The following ROBO1 variants were observed in gnomAD, a reference collection of about 807,000 sequenced individuals.
The protein encoded by ROBO1 is roundabout guidance receptor 1.
Under a neutral mutation model 195.9 loss-of-function variants are expected in ROBO1, and 149 were observed. The observed-to-expected ratio is 0.76, with a 90% confidence interval of 0.67 to 0.87. The LOEUF (loss-of-function observed/expected upper bound fraction) is 0.87, where lower values mean the gene tolerates loss of function less well. Among genes scored for constraint, ROBO1 ranks in the 40% least tolerant of loss-of-function variants. The pLI is 0.00. For missense variants in ROBO1, 1,933 were observed against 2,068.3 expected, an observed-to-expected ratio of 0.93 and a Z score of 1.27; for synonymous variants, 816 against 733.2, an observed-to-expected ratio of 1.11 and a Z score of -1.82.
chr3:78,969,455 A>C (rs1351806318), intron 3 of ROBO1, among the ~76,000 whole-genome samples: 1 of 152,232 alleles, frequency 6.6e-6, no homozygotes, highest in Non-Finnish European at 1.5e-5. Flanking sequence ...AGAATGTTGG[A>C]AACATGATAG....
chr3:79,639,807 T>A (rs1401576107), intron 1 of ROBO1, among the ~76,000 whole-genome samples: 3 of 152,288 alleles, frequency 2.0e-5, no homozygotes, highest in Middle Eastern at 3.4e-3. Flanking sequence ...ACTTCTCATA[T>A]TATGGCATGA....
At chr3:78,742,095 G>A (rs2082546426) in intron 5 of ROBO1, among the ~76,000 whole-genome samples, 1 of 152,102 alleles carries the variant, frequency 6.6e-6, no homozygotes, top group Admixed American at 6.5e-5. Context: ...TTTGTAGGGT[G>A]TGTCTTTGTT....
At chr3:79,748,022 A>G (rs1703948883) in intron 1 of ROBO1, among the ~76,000 whole-genome samples, 1 of 152,006 alleles carries the variant, frequency 6.6e-6, no homozygotes, top group African/African-American at 2.4e-5. Flanking sequence ...GCTCATAAAA[A>G]TGCATGGTTG....
At position 79,408,579 on chromosome 3, in the gene ROBO1, T is replaced by C. The variant is rs185128435; in HGVS notation, c.88+181245A>G. 5.9e-5 allele frequency among the ~76,000 whole-genome samples: 9 copies of C among 152,142 alleles called. No individual in the cohort carries two copies. In the East Asian group the frequency reaches 9.8e-4, roughly 16 times the overall value. On this transcript the variant is annotated intron_variant, in intron 2 of 30. Coordinates refer to ENST00000464233, the MANE Select transcript of ROBO1 (RefSeq NM_002941.4). Reference sequence around the variant, plus strand: ...CAGGATTTGAAAATTGAGAGTGATATGGTGTGCAGTTCTTGAGAAGGTCTT... The same window carrying C: ...CAGGATTTGAAAATTGAGAGTGATACGGTGTGCAGTTCTTGAGAAGGTCTT...
intron 1 of ROBO1, among the ~76,000 whole-genome samples, chr3:79,740,854 A>G (rs1703614554): frequency 2.0e-5 from 3 of 152,246 alleles, no homozygotes; most frequent in Non-Finnish European, 4.4e-5. Context: ...GAGTCATAGC[A>G]GAATTAACAT....
At chr3:78,945,385 C>T (rs535665742) in intron 3 of ROBO1, among the ~76,000 whole-genome samples, 3 of 152,234 alleles carry the variant, frequency 2.0e-5, no homozygotes, top group South Asian at 2.1e-4. Context: ...CTGCAGACAC[C>T]GCTGCTGATA....
At chr3:79,139,321 A>G (rs998478996) in intron 2 of ROBO1, among the ~76,000 whole-genome samples, 3 of 152,156 alleles carry the variant, frequency 2.0e-5, no homozygotes, top group East Asian at 1.9e-4. Flanking sequence ...TAAACAAGAT[A>G]GAGTGCCTCC....
intron 2 of ROBO1, among the ~76,000 whole-genome samples, chr3:79,173,857 T>G (rs1259442003): frequency 6.6e-6 from 1 of 152,104 alleles, no homozygotes; most frequent in African/African-American, 2.4e-5. Context: ...CGGCACTCTG[T>G]ATCTAGCTCA....
chr3:79,099,215 A>AT lies in ROBO1; in HGVS notation c.172+26240dup, dbSNP rs1171491805. Among the ~76,000 whole-genome samples the AT allele has an allele frequency of 1.1e-4, 17 of 151,822 alleles. 2 individuals are homozygous for AT. The highest frequency in any genetic ancestry group is 3.6e-4 in the African/African-American group (15 of 41,478). ...GCTTGCTTTTTCAAAACACACTTGT[A>AT]TTTTTTTAACAGAAAATCCTATCAA... On this transcript the variant is annotated intron_variant, in intron 3 of 30. Transcript: ENST00000464233.
chr3:78,705,853 T>C (rs1168969359), intron 8 of ROBO1, among the ~76,000 whole-genome samples: 2 of 152,160 alleles, frequency 1.3e-5, no homozygotes, highest in Non-Finnish European at 2.9e-5. Context: ...TTAAACCACC[T>C]GTTTTGCTGG....
chr3:79,333,380 C>T (rs1224946817), intron 2 of ROBO1, among the ~76,000 whole-genome samples: 1 of 152,100 alleles, frequency 6.6e-6, no homozygotes, highest in African/African-American at 2.4e-5. Flanking sequence ...GCATGCGTAA[C>T]CATGTAAATC....
chr3:79,472,618 C>A (rs1275679671), intron 2 of ROBO1, among the ~76,000 whole-genome samples: 1 of 152,070 alleles, frequency 6.6e-6, no homozygotes, highest in South Asian at 2.1e-4. Flanking sequence ...AGCTAAAATG[C>A]AACTTTATTA....
chr3:79,106,154 C>A (rs949571436), intron 3 of ROBO1, among the ~76,000 whole-genome samples: 1 of 151,588 alleles, frequency 6.6e-6, no homozygotes, highest in Non-Finnish European at 1.5e-5. Flanking sequence ...TTTAAACAAG[C>A]AAATTGTCTG....
rs990124331 is a variant in ROBO1 at position 78,874,736 on chromosome 3, T to C, written c.499+63865A>G. Among the ~76,000 whole-genome samples, 3 of 151,898 alleles carry C rather than the reference T, an allele frequency of 2.0e-5. No individual in the cohort carries two copies. The East Asian group carries it at 5.8e-4, about 29-fold the overall frequency. On this transcript the variant is annotated intron_variant, in intron 4 of 30. Coordinates refer to ENST00000464233, the MANE Select transcript of ROBO1 (RefSeq NM_002941.4). ...CAGTTTTACTATTAGCATCAACCAT[T>C]ATAAGTAATTCTTTTCTATAACAGA... is the stretch of plus-strand genomic sequence containing the variant.
In ROBO1 at chr3:78,618,052, A is replaced by G. The variant is rs1406960329; in HGVS notation, c.3876-11T>C. 6.3e-7 allele frequency: 1 copy of G among 1,595,782 alleles called. No homozygotes were observed. Among genetic ancestry groups the G allele is most frequent in the East Asian group, 2.2e-5 (1 of 44,644 alleles). ...CTCACAGGCTGCCGTCTGTATGAAG[A>G]TGAATAAATAGGTCTGGCTCAGCTT... On this transcript the variant is annotated splice_polypyrimidine_tract_variant and intron_variant, in intron 26 of 30. Coordinates refer to ENST00000464233, the MANE Select transcript of ROBO1 (RefSeq NM_002941.4).
intron 2 of ROBO1, among the ~76,000 whole-genome samples, chr3:79,435,298 C>A (rs2038845754): frequency 6.6e-6 from 1 of 152,084 alleles, no homozygotes; most frequent in Admixed American, 6.6e-5. Context: ...GTTGTTCAGG[C>A]TGGTCTTGCG....
At chr3:79,516,122 A>C (rs1189985374) in intron 2 of ROBO1, among the ~76,000 whole-genome samples, 1 of 152,142 alleles carries the variant, frequency 6.6e-6, no homozygotes, top group Non-Finnish European at 1.5e-5. Flanking sequence ...AAAGGTTTCC[A>C]TACCTTAAAT....
intron 3 of ROBO1, among the ~76,000 whole-genome samples, chr3:79,041,137 A>T (rs2078480513): frequency 6.6e-6 from 1 of 151,680 alleles, no homozygotes; most frequent in Non-Finnish European, 1.5e-5. Flanking sequence ...CACTGTTCTC[A>T]CTCCTCTAAG....
In ROBO1 at chr3:79,109,467, C is replaced by A. The variant is rs887453499; in HGVS notation, c.172+15989G>T. Among the ~76,000 whole-genome samples, 281 of 152,058 alleles carry A rather than the reference C, an allele frequency of 1.8e-3. 6 individuals carry two copies. Among genetic ancestry groups the A allele is most frequent in the African/African-American group, 2.0e-3 (84 of 41,538 alleles). On this transcript the variant is annotated intron_variant, in intron 3 of 30. Transcript: ENST00000464233. ...AAATTTTTTCTGTTTGTTTTAAATT[C>A]TCTTTAAAATAATTACAGATATTGC...
Sources: gnomAD v4.1 joint callset for allele counts (sites outside exome capture counted in the v4.1 genomes callset) on GRCh38, gnomAD v4.1.1 for gene constraint, MANE v1.5 for transcripts, NCBI Gene and HGNC (gene_info 2026-07-23, HGNC 2026-07-21) for gene names.